The following RAPSN variants were observed in gnomAD, a reference collection of about 807,000 sequenced individuals.
RAPSN encodes the protein 43 kDa receptor-associated protein of the synapse.
A neutral mutation model predicts 45.7 loss-of-function variants in RAPSN; 33 were observed. That is an observed-to-expected ratio of 0.72 (90% CI 0.55 to 0.97). The LOEUF (loss-of-function observed/expected upper bound fraction) is 0.97. Ranked by LOEUF, RAPSN falls within the 50% of genes least tolerant of loss-of-function variation. The pLI, the probability that RAPSN is intolerant of heterozygous loss-of-function variation, is 0.00. For synonymous variants in RAPSN, 244 were observed against 233.6 expected, an observed-to-expected ratio of 1.04 and a Z score of -0.40; for missense variants, 519 against 559.4, an observed-to-expected ratio of 0.93 and a Z score of 0.73.
intron 3 of RAPSN, 28 bp downstream of exon 3, chr11:47,442,628 C>T (rs370892185): frequency 2.4e-5 from 38 of 1,610,958 alleles, no homozygotes; most frequent in African/African-American, 1.1e-4. Flanking sequence ...ACCTCATCCC[C>T]GACCTGCCCC....
chr11:47,441,261 C>T (rs1312552254), intron 5 of RAPSN, 49 bp from the exon 6 acceptor site: 1 of 1,608,278 alleles, frequency 6.2e-7, no homozygotes, highest in Admixed American at 1.7e-5. Context: ...GTCTGACAGG[C>T]CTTGCTCACA....
At chr11:47,438,339 G>C in intron 7 of RAPSN, 1 of 575,896 alleles carries the variant, frequency 1.7e-6, no homozygotes, top group East Asian at 2.9e-5. Flanking sequence ...TGACCTTTGA[G>C]GGGCCTCTCT....
intron 6 of RAPSN, among the ~76,000 whole-genome samples, chr11:47,440,465 A>G (rs564793635): frequency 2.6e-3 from 393 of 152,158 alleles, no homozygotes; most frequent in Non-Finnish European, 4.0e-3. Context: ...TTTTTTGTAG[A>G]GGCCGGGCCT....
chr11:47,446,029 A>T (rs1278562070), intron 2 of RAPSN, among the ~76,000 whole-genome samples: 1 of 152,052 alleles, frequency 6.6e-6, no homozygotes, highest in East Asian at 1.9e-4. Flanking sequence ...CCTGGGCTCA[A>T]GCGATCCTCC....
chr11:47,443,955 A>AAAAAAAAAAAAAAAAAAG (rs1204196817), intron 2 of RAPSN, among the ~76,000 whole-genome samples: 1 of 147,880 alleles, frequency 6.8e-6, no homozygotes, highest in African/African-American at 2.5e-5. Flanking sequence ...AAAAAAAAAA[A>AAAAAAAAAAAAAAAAAAG]AAAAGAAAAG....
Position 47,447,984 on chromosome 11 carries a change from T to G in RAPSN, c.359A>C (p.Gln120Pro). The stretch of plus-strand genomic sequence containing the variant: ...GCTCAGGCTGACCTGGCCTCCGAGC[T>G]GGGCACCTGCCCTGGTACCAGGCAG... ...LGLPGTRAGA[Q>P]LGGQVSLSMG... Residue 120 changes from glutamine to proline, a missense_variant, in exon 2 of 8, where the codon CAG (glutamine) becomes CCG (proline). Gln to Pro is a moderately conservative substitution (Grantham distance 76). Coordinates refer to ENST00000298854, the MANE Select transcript of RAPSN (RefSeq NM_005055.5). The G allele has an allele frequency of 6.2e-7, 1 of 1,613,990 alleles. No individual in the cohort carries two copies. The highest frequency in any genetic ancestry group is 1.6e-4 in the Middle Eastern group (1 of 6,062).
rs761869971 is a variant in RAPSN at position 47,448,950 on chromosome 11, C to A, written c.15G>T (p.Gln5His). 7 of 1,614,228 alleles carry A rather than the reference C, an allele frequency of 4.3e-6. No individual in the cohort carries two copies. Among genetic ancestry groups the A allele is most frequent in the Non-Finnish European group, 5.9e-6 (7 of 1,180,034 alleles). MGQDQTKQQIEKGLQ... is the reference protein window; with the variant it reads MGQDHTKQQIEKGLQ... Reference sequence around the variant, plus strand: ...GCCCCTTCTCGATCTGCTGCTTGGTCTGGTCCTGCCCCATCCTCCCCAAGC... The same window carrying A: ...GCCCCTTCTCGATCTGCTGCTTGGTATGGTCCTGCCCCATCCTCCCCAAGC... The change falls in exon 1 of 8, where the codon CAG (glutamine) becomes CAT (histidine). Residue 5 changes from glutamine to histidine, a missense_variant. By Grantham distance (24) the Gln-to-His change is conservative. Coordinates refer to ENST00000298854, the MANE Select transcript of RAPSN (RefSeq NM_005055.5).
In RAPSN at chr11:47,447,878, G is replaced by T; in HGVS notation, c.465C>A (p.Asn155Lys). The T allele has an allele frequency of 1.2e-6, 2 of 1,613,570 alleles. No homozygotes were observed. Among genetic ancestry groups the T allele is most frequent in the Non-Finnish European group, 1.7e-6 (2 of 1,179,884 alleles). ...SFEKALRYAH[N>K]NDDAMLECRV... Reference sequence around the variant, plus strand: ...GGCACTCGAGCATGGCGTCATCATTGTTGTGGGCATAGCGCAGGGCCTTCT... The same window carrying T: ...GGCACTCGAGCATGGCGTCATCATTTTTGTGGGCATAGCGCAGGGCCTTCT... The change falls in exon 2 of 8, where the codon AAC becomes AAA. Residue 155 changes from asparagine to lysine, a missense_variant. Transcript: ENST00000298854.
intron 2 of RAPSN, among the ~76,000 whole-genome samples, chr11:47,443,158 C>T (rs1325050790): frequency 6.6e-6 from 1 of 152,186 alleles, no homozygotes; most frequent in Admixed American, 6.5e-5. Flanking sequence ...CAAATGGGCT[C>T]CTCAGCTTCA....
intron 5 of RAPSN, 150 bp from the exon 6 acceptor site, chr11:47,441,362 C>A: frequency 1.6e-6 from 2 of 1,225,880 alleles, no homozygotes; most frequent in Non-Finnish European, 2.3e-6. Flanking sequence ...AGGGCACAGT[C>A]ATAGGGGCTG....
chr11:47,444,857 C>CAAAAAAAAA (rs10611957), intron 2 of RAPSN, among the ~76,000 whole-genome samples: 2 of 80,726 alleles, frequency 2.5e-5, no homozygotes, highest in African/African-American at 5.4e-5. Context: ...GACACTGTCT[C>CAAAAAAAAA]AAAAAAAAAA....
At chr11:47,442,574 G>C (rs1029706207) in intron 3 of RAPSN, 82 bp downstream of exon 3, 27 of 1,507,172 alleles carry the variant, frequency 1.8e-5, no homozygotes, top group African/African-American at 4.2e-5. Context: ...TGATTTGGAA[G>C]AAGGAAGCCC....
chr11:47,446,025 C>A (rs966214517), intron 2 of RAPSN, among the ~76,000 whole-genome samples: 27 of 151,768 alleles, frequency 1.8e-4, no homozygotes, highest in African/African-American at 6.3e-4. Context: ...AACTCCTGGG[C>A]TCAAGCGATC....
intron 6 of RAPSN, among the ~76,000 whole-genome samples, chr11:47,439,290 A>C (rs369481106): frequency 6.6e-6 from 1 of 152,194 alleles, no homozygotes; most frequent in East Asian, 1.9e-4. Flanking sequence ...CCTGGCCAAC[A>C]TGGCGAAACC....
intron 4 of RAPSN, 31 bp downstream of exon 4, chr11:47,441,792 G>A (rs1237565541): frequency 7.8e-7 from 1 of 1,285,994 alleles, no homozygotes; most frequent in Admixed American, 2.4e-5. Flanking sequence ...CCTGCCCCCT[G>A]CCCCCAGCCC....
chr11:47,444,659 C>T (rs570001049), intron 2 of RAPSN, among the ~76,000 whole-genome samples: 173 of 150,930 alleles, frequency 1.1e-3, no homozygotes, highest in Middle Eastern at 6.9e-3. Flanking sequence ...GAGATCGAGA[C>T]CATCCTGGCT....
At position 47,441,146 on chromosome 11, in the gene RAPSN, A is replaced by T. The variant is rs1192004870; in HGVS notation, c.966+13T>A. 6.2e-7 allele frequency: 1 copy of T among 1,613,970 alleles called. No individual in the cohort carries two copies. The highest frequency in any genetic ancestry group is 1.1e-5 in the South Asian group (1 of 91,066). On this transcript the variant is annotated intron_variant, in intron 6 of 7. Coordinates refer to ENST00000298854, the MANE Select transcript of RAPSN (RefSeq NM_005055.5). ...CCTTGACCCCAGATCCAGGACACAG[A>T]ATCAAGTCTGACCTTGTTCCCCACC... is the stretch of plus-strand genomic sequence containing the variant.
chr11:47,438,553 G>A, intron 7 of RAPSN, 179 bp downstream of exon 7: 1 of 680,988 alleles, frequency 1.5e-6, no homozygotes, highest in East Asian at 2.8e-5. Context: ...GAACCCCGGG[G>A]CTCAAGTGAT....
Position 47,442,787 on chromosome 11 carries a change from AG to A in RAPSN, c.558del (p.Cys187AlafsTer16). 6.2e-7 allele frequency: 1 copy of A among 1,614,218 alleles called. No homozygotes were observed. On this transcript the variant is annotated frameshift_variant, in exon 3 of 8. Coordinates refer to ENST00000298854, the MANE Select transcript of RAPSN (RefSeq NM_005055.5). LOFTEE classifies it high-confidence loss of function. Reference sequence around the variant, plus strand: ...TTGTTGACAAGCTCTGCCGCCTTGCAGGGGAAGAACAGGGCTTTCTCGTAGT... The same window carrying A: ...TTGTTGACAAGCTCTGCCGCCTTGCAGGGAAGAACAGGGCTTTCTCGTAGT... ...VKDYEKALFF[P>X]CKAAELVNNY...
Sources: gnomAD v4.1 joint callset for allele counts (sites outside exome capture counted in the v4.1 genomes callset) on GRCh38, gnomAD v4.1.1 for gene constraint, MANE v1.5 for transcripts, NCBI Gene and HGNC (gene_info 2026-07-23, HGNC 2026-07-21) for gene names.